The following NOP53 variants were observed in gnomAD, a reference collection of about 807,000 sequenced individuals.
The protein encoded by NOP53 is NOP53 ribosome biogenesis factor.
In NOP53, 40 loss-of-function variants were observed where a neutral mutation model predicts 61.0. That is an observed-to-expected ratio of 0.66 (90% confidence interval 0.51 to 0.85). NOP53 has a LOEUF of 0.85. NOP53 is among the 40% of genes least tolerant of loss of function. NOP53 has a pLI of 0.00. For missense variants in NOP53, 689 were observed against 652.9 expected (o/e 1.06, Z -0.60); for synonymous variants, 308 against 289.5 (o/e 1.06, Z -0.65).
chr19:47,754,424 C>T lies in NOP53; in HGVS notation c.766-103C>T, dbSNP rs1337618173. 22 of 882,462 alleles carry T rather than the reference C, an allele frequency of 2.5e-5. No homozygotes were observed. Among genetic ancestry groups the T allele is most frequent in the Middle Eastern group, 6.9e-4 (2 of 2,904 alleles). 54.7% of individuals were successfully genotyped at this position (882,462 alleles called of 1,614,324 possible). A position where few individuals can be genotyped will look rare whatever the true frequency, so the allele number is the denominator to read the frequency against. On this transcript the variant is annotated intron_variant, in intron 6 of 12. Transcript: ENST00000246802. The surrounding 1 kb of genome is among the most constrained non-coding windows in gnomAD (Gnocchi z 4.2). ...GTGGGGAGGAAAGCCTGGGCCGGGG[C>T]GGGATCCACGGGCACTGGATGAGGG...
In NOP53 at chr19:47,754,494, G is replaced by T. The variant is rs1220402624; in HGVS notation, c.766-33G>T. 5 of 1,471,550 alleles carry T rather than the reference G, an allele frequency of 3.4e-6. No individual in the cohort carries two copies. In the African/African-American group the frequency reaches 7.0e-5, roughly 21 times the overall value. The allele number at this position is 1,471,550 out of a possible 1,614,324, so 91.2% of individuals were successfully genotyped here. A position where few individuals can be genotyped will look rare whatever the true frequency, so the allele number is the denominator to read the frequency against. ...GTCTAGTCTCAGTGTCCCAGGAGGG[G>T]TTCAGGGACCCATCCTCACTCCCGC... On this transcript the variant is annotated intron_variant, in intron 6 of 12. Coordinates refer to ENST00000246802, the MANE Select transcript of NOP53 (RefSeq NM_015710.5). The surrounding 1 kb of genome is among the most constrained non-coding windows in gnomAD (Gnocchi z 4.2).
At chr19:47,745,821 C>G in intron 1 of NOP53, 38 bp downstream of exon 1, 1 of 1,299,584 alleles carries the variant, frequency 7.7e-7, no homozygotes, top group Non-Finnish European at 1.0e-6. Context: ...GGGACGGTTC[C>G]TGCGCCCAGG....
chr19:47,751,494 A>G, intron 4 of NOP53, 26 bp from the exon 5 acceptor site: 1 of 1,600,482 alleles, frequency 6.2e-7, no homozygotes, highest in Non-Finnish European at 8.6e-7. Context: ...GGACTGTCCC[A>G]GCAGCTCCCC....
chr19:47,754,774 C>G lies in NOP53; in HGVS notation c.936C>G (p.Gly312=), dbSNP rs757194385. 7 of 1,525,288 alleles carry G rather than the reference C, an allele frequency of 4.6e-6. No individual in the cohort carries two copies. In the East Asian group the frequency reaches 1.2e-4, roughly 27 times the overall value. The allele number at this position is 1,525,288 out of a possible 1,614,324, so 94.5% of individuals were successfully genotyped here. A position where few individuals can be genotyped will look rare whatever the true frequency, so the allele number is the denominator to read the frequency against. ...LEESDGEGEP[G]QGEGPEAGDA... Reference sequence around the variant, plus strand: ...AGTCGGATGGTGAGGGGGAGCCAGGCCAGGGCGAGGGGCCGGAGGCTGGGG... The same window carrying G: ...AGTCGGATGGTGAGGGGGAGCCAGGGCAGGGCGAGGGGCCGGAGGCTGGGG... The change falls in exon 8 of 13, where the codon GGC becomes GGG. Residue 312 remains glycine, a synonymous_variant. Coordinates refer to ENST00000246802, the MANE Select transcript of NOP53 (RefSeq NM_015710.5). This position sits in a 1 kb window ranked among gnomAD's most constrained non-coding sequence, Gnocchi z 4.2.
rs1967141860 is a variant in NOP53, at chr19:47,752,865, C to T, written c.765+258C>T. The T allele has an allele frequency of 1.1e-5, 5 of 468,488 alleles. No individual in the cohort carries two copies. The South Asian group carries it at 1.3e-4, about 12-fold the overall frequency. The allele number at this position is 468,488 out of a possible 1,614,324, so 29.0% of individuals were successfully genotyped here. On this transcript the variant is annotated intron_variant, in intron 6 of 12. Transcript: ENST00000246802. Reference sequence around the variant, plus strand: ...TCCCGGGAGGAGGGGTCGCCTGAGCCGAGGCAGAGGCTGAGGGAGGGGTTT... The same window carrying T: ...TCCCGGGAGGAGGGGTCGCCTGAGCTGAGGCAGAGGCTGAGGGAGGGGTTT...
At chr19:47,751,146 C>A in intron 4 of NOP53, 39 bp downstream of exon 4, 1 of 1,514,700 alleles carries the variant, frequency 6.6e-7, no homozygotes, top group South Asian at 1.2e-5. Flanking sequence ...GGGGACAGGA[C>A]GGCCATGTGC....
chr19:47,752,689 G>T (rs2123675788), intron 6 of NOP53, 82 bp downstream of exon 6: 2 of 873,354 alleles, frequency 2.3e-6, no homozygotes, highest in East Asian at 2.5e-5. Flanking sequence ...CCTGTGCTGG[G>T]AACTCCAATG....
In NOP53 at chr19:47,752,584, A is replaced by G. The variant is rs1329896788; in HGVS notation, c.742A>G (p.Asn248Asp). Residue 248 changes from asparagine to aspartate, a missense_variant, in exon 6 of 13, where the codon AAT becomes GAT. Transcript: ENST00000246802. ...GGTGGCGCCTGCCGGAGCTTCCTACAATCCATCCTTTGAAGACCACCAGGT... is the reference window on the plus strand; with the variant it reads ...GGTGGCGCCTGCCGGAGCTTCCTACGATCCATCCTTTGAAGACCACCAGGT... Reference protein sequence around the residue: ...VEVAPAGASYNPSFEDHQTLL... With the variant: ...VEVAPAGASYDPSFEDHQTLL... The G allele has an allele frequency of 1.2e-6, 2 of 1,609,784 alleles. No homozygotes were observed. Among genetic ancestry groups the G allele is most frequent in the South Asian group, 1.1e-5 (1 of 91,020 alleles).
In NOP53 at chr19:47,750,373, G is replaced by A. The variant is rs113552163; in HGVS notation, c.398+87G>A. 2.7e-3 allele frequency: 2,161 copies of A among 801,958 alleles called. 34 individuals carry two copies. In the African/African-American group the frequency reaches 0.029, roughly 11 times the overall value. The allele number at this position is 801,958 out of a possible 1,614,324, so 49.7% of individuals were successfully genotyped here. On this transcript the variant is annotated intron_variant, in intron 3 of 12. Coordinates refer to ENST00000246802, the MANE Select transcript of NOP53 (RefSeq NM_015710.5). ...CGGGGCTGGGGGCTGGTAGGTGAGG[G>A]TCATTTGAAGGGTAGGGCAGGCTCA...
rs1247197345 is a variant in NOP53, at chr19:47,756,311, G to A, written c.1297-217G>A. ...CTGTGTCGTCACCAGCCCACTTCCC[G>A]TGACTCCTCTAAGCCCAGCTTAGAG... On this transcript the variant is annotated intron_variant, in intron 10 of 12. Coordinates refer to ENST00000246802, the MANE Select transcript of NOP53 (RefSeq NM_015710.5). 3.2e-5 allele frequency: 19 copies of A among 586,714 alleles called. 1 individual carries two copies. Among genetic ancestry groups the A allele is most frequent in the South Asian group, 1.7e-4 (8 of 47,044 alleles). 36.3% of individuals were successfully genotyped at this position (586,714 alleles called of 1,614,324 possible).
chr19:47,754,847 A>G lies in NOP53; in HGVS notation c.1009A>G (p.Lys337Glu). 6.5e-7 allele frequency: 1 copy of G among 1,540,396 alleles called. No individual in the cohort carries two copies. Among genetic ancestry groups the G allele is most frequent in the Non-Finnish European group, 8.7e-7 (1 of 1,152,204 alleles). ...CGCCCGCCTGGCCACCACAGAGAAG[A>G]AGACGGAGCAGCAGCGGCGGCGGGA... ...TPARLATTEK[K>E]TEQQRRREKA... The change falls in exon 8 of 13, where the codon AAG becomes GAG. Residue 337 changes from lysine (K) to glutamate (E), a missense_variant. Physicochemically the swap from Lys to Glu is moderately conservative, Grantham distance 56 (BLOSUM62 1). Coordinates refer to ENST00000246802, the MANE Select transcript of NOP53 (RefSeq NM_015710.5). This position sits in a 1 kb window ranked among gnomAD's most constrained non-coding sequence, Gnocchi z 4.2.
rs763843406 is a variant in NOP53, at chr19:47,754,843, G to A, written c.1005G>A (p.Glu335=). 6.0e-5 allele frequency: 93 copies of A among 1,541,786 alleles called. 1 individual carries two copies. The highest frequency in any genetic ancestry group is 4.5e-4 in the South Asian group (37 of 82,448). ...CPTPARLATT[E]KKTEQQRRRE... is the part of the protein sequence containing the mutation. ...CGCCCGCCCGCCTGGCCACCACAGA[G>A]AAGAAGACGGAGCAGCAGCGGCGGC... Residue 335 remains glutamate (E), a synonymous_variant, in exon 8 of 13, where the codon GAG becomes GAA. Coordinates refer to ENST00000246802, the MANE Select transcript of NOP53 (RefSeq NM_015710.5). This position sits in a 1 kb window ranked among gnomAD's most constrained non-coding sequence, Gnocchi z 4.2.
rs536625983 is a variant in NOP53 at position 47,755,337 on chromosome 19, C to T, written c.1054-11C>T. 1.6e-4 allele frequency: 234 copies of T among 1,485,070 alleles called. 1 individual carries two copies. The African/African-American group carries it at 2.3e-3, about 15-fold the overall frequency. The allele number at this position is 1,485,070 out of a possible 1,614,324, so 92.0% of individuals were successfully genotyped here. ...ACCGGCCTGAGCCCTGACCCTCCCC[C>T]GTCTCCACAGCGGGTACAGCAGGCC... is the stretch of plus-strand genomic sequence containing the variant. On this transcript the variant is annotated splice_polypyrimidine_tract_variant and intron_variant, in intron 8 of 12. Transcript: ENST00000246802.
rs376905419 is a variant in NOP53 at position 47,756,763 on chromosome 19, G to C, written c.1430+19G>C. ...AGATCCAGTGAGTCCACCCGGCTTC[G>C]GCGCAAGGAAGGGAGCCCTTCTCCC... On this transcript the variant is annotated intron_variant, in intron 12 of 12. Transcript: ENST00000246802. The C allele has an allele frequency of 1.2e-6, 2 of 1,612,420 alleles. No individual in the cohort carries two copies. The highest frequency in any genetic ancestry group is 4.5e-5 in the East Asian group (2 of 44,846).
chr19:47,749,160 C>CAAA (rs1349731224), intron 2 of NOP53, among the ~76,000 whole-genome samples: 1 of 130,670 alleles, frequency 7.7e-6, no homozygotes, highest in African/African-American at 2.8e-5. Flanking sequence ...GACTCTGTCT[C>CAAA]AAAAAAAAAA....
intron 1 of NOP53, 123 bp from the exon 2 acceptor site, chr19:47,746,844 C>A: frequency 1.3e-6 from 1 of 768,068 alleles, no homozygotes; most frequent in Non-Finnish European, 2.2e-6. Flanking sequence ...CTGGGCGAAG[C>A]CTTAGCCTGG....
intron 2 of NOP53, among the ~76,000 whole-genome samples, 200 bp from the exon 3 acceptor site, chr19:47,749,978 G>C (rs1967104907): frequency 6.6e-6 from 1 of 152,140 alleles, no homozygotes; most frequent in Admixed American, 6.6e-5. Flanking sequence ...CCCAGCACTT[G>C]GTTGTGGAGG....
In NOP53 at chr19:47,750,901, C is replaced by A. The variant is rs377497217; in HGVS notation, c.399-7C>A. On this transcript the variant is annotated splice_polypyrimidine_tract_variant and splice_region_variant and intron_variant, in intron 3 of 12. Coordinates refer to ENST00000246802, the MANE Select transcript of NOP53 (RefSeq NM_015710.5). The stretch of plus-strand genomic sequence containing the variant: ...CTGCTGCACTTGTGCCCCCTCTCCC[C>A]GACCAGCGTCCTCGCCCACCAGGTC... 2 of 1,577,124 alleles carry A rather than the reference C, an allele frequency of 1.3e-6. No individual in the cohort carries two copies. The highest frequency in any genetic ancestry group is 2.3e-5 in the South Asian group (2 of 86,004).
In NOP53 at chr19:47,751,520, A is replaced by AC. The variant is rs1462782248; in HGVS notation, c.604dup (p.Leu202ProfsTer10). 1.2e-5 allele frequency: 20 copies of AC among 1,612,878 alleles called. No homozygotes were observed. The highest frequency in any genetic ancestry group is 1.7e-5 in the Non-Finnish European group (20 of 1,179,448). On this transcript the variant is annotated frameshift_variant and splice_region_variant, in exon 5 of 13. Coordinates refer to ENST00000246802, the MANE Select transcript of NOP53 (RefSeq NM_015710.5). LOFTEE classifies it high-confidence loss of function. ...GCAGCTCCCCTCGCTGTATCCACAG[A>AC]CCCCCTGGACAGGCCGTTGGTTGGC...
Sources: gnomAD v4.1 joint callset for allele counts (sites outside exome capture counted in the v4.1 genomes callset) on GRCh38, gnomAD v4.1.1 for gene constraint, Gnocchi (gnomAD v3.1) non-coding constraint, MANE v1.5 for transcripts, NCBI Gene and HGNC (gene_info 2026-07-23, HGNC 2026-07-21) for gene names.